The following ZFAND3 variants were observed in gnomAD, a reference collection of about 807,000 sequenced individuals.
The protein encoded by ZFAND3 is AN1-type zinc finger protein 3.
In ZFAND3, 10 loss-of-function variants were observed where a neutral mutation model predicts 29.6. The ratio of observed to expected loss-of-function variants is 0.34; its 90% confidence interval spans 0.21 to 0.57. The LOEUF is 0.57. Ranked by LOEUF, ZFAND3 falls within the 20% of genes least tolerant of loss-of-function variation. The pLI, the probability that ZFAND3 is intolerant of heterozygous loss-of-function variation, is 0.86. For synonymous variants in ZFAND3, 128 were observed against 112.6 expected (o/e 1.14, Z -0.87); for missense variants, 230 against 304.5 (o/e 0.76, Z 1.82).
At position 37,921,603 on chromosome 6, in the gene ZFAND3, A is replaced by G. The variant is rs558727399; in HGVS notation, c.72-8356A>G. ...TAAGATGTTTCCAGAATTCCCAGAA[A>G]TTAGGACTGTTACTAGAATTCCCCA... On this transcript the variant is annotated intron_variant, in intron 1 of 5. Transcript: ENST00000287218. Among the ~76,000 whole-genome samples the G allele has an allele frequency of 1.0e-3, 158 of 152,234 alleles. 2 individuals are homozygous for G. In the South Asian group the frequency reaches 0.019, roughly 18 times the overall value.
chr6:37,883,553 T>G lies in ZFAND3; in HGVS notation c.72-46406T>G, dbSNP rs1447839384. On this transcript the variant is annotated intron_variant, in intron 1 of 5. Coordinates refer to ENST00000287218, the MANE Select transcript of ZFAND3 (RefSeq NM_021943.3). ...ACCTTTTCTTTTCTTTCTTTCTTTT[T>G]TTTTTTTGAGACGGAGTCTCGCTCT... Among the ~76,000 whole-genome samples, 10 of 125,226 alleles carry G rather than the reference T, an allele frequency of 8.0e-5. 3 individuals are homozygous for G. The highest frequency in any genetic ancestry group is 1.6e-4 in the African/African-American group (4 of 25,056). The allele number at this position is 125,226 out of a possible 152,430, so 82.2% of individuals were successfully genotyped here. A position where few individuals can be genotyped will look rare whatever the true frequency, so the allele number is the denominator to read the frequency against.
At position 38,120,042 on chromosome 6, in the gene ZFAND3, C is replaced by T. The variant is rs530732080; in HGVS notation, c.529+3303C>T. On this transcript the variant is annotated intron_variant, in intron 5 of 5. Coordinates refer to ENST00000287218, the MANE Select transcript of ZFAND3 (RefSeq NM_021943.3). ...GCCAATTAGAAAAGGCATGTGGTTG[C>T]GAGGCTGGGATTATATCCTGCATCT... Among the ~76,000 whole-genome samples the T allele has an allele frequency of 1.1e-4, 17 of 152,254 alleles. No individual in the cohort carries two copies. The South Asian group carries it at 2.1e-3, about 19-fold the overall frequency.
In ZFAND3 at chr6:37,918,951, C is replaced by CTTTTTT. The variant is rs66941014; in HGVS notation, c.72-10993_72-10988dup. ...TGTGTTTTCAAAACATGAAAAATGC[C>CTTTTTT]TTTTTTTTTTTTTTTTTTTTGAGAC... On this transcript the variant is annotated intron_variant, in intron 1 of 5. Coordinates refer to ENST00000287218, the MANE Select transcript of ZFAND3 (RefSeq NM_021943.3). Among the ~76,000 whole-genome samples, 67 of 104,718 alleles carry CTTTTTT rather than the reference C, an allele frequency of 6.4e-4. 6 individuals are homozygous for CTTTTTT. Among genetic ancestry groups the CTTTTTT allele is most frequent in the African/African-American group, 2.0e-3 (49 of 24,574 alleles). 68.7% of individuals were successfully genotyped at this position (104,718 alleles called of 152,430 possible).
intron 2 of ZFAND3, among the ~76,000 whole-genome samples, chr6:38,004,319 C>T (rs1254556856): frequency 2.0e-5 from 3 of 152,154 alleles, no homozygotes; most frequent in Non-Finnish European, 2.9e-5. Context: ...ATTTCCAACA[C>T]GTTTGCTCAT....
chr6:38,125,169 C>G (rs1765611901), intron 5 of ZFAND3, among the ~76,000 whole-genome samples: 1 of 152,218 alleles, frequency 6.6e-6, no homozygotes, highest in African/African-American at 2.4e-5. Context: ...CCTCCCTTCA[C>G]TCTCACTGTA....
At chr6:37,854,994 C>T (rs1764354149) in intron 1 of ZFAND3, among the ~76,000 whole-genome samples, 1 of 81,524 alleles carries the variant, frequency 1.2e-5, no homozygotes, top group Admixed American at 1.7e-4. Flanking sequence ...TTTGGTGAGG[C>T]ATTTGGGATC....
At chr6:37,961,119 A>G (rs1762187336) in intron 2 of ZFAND3, among the ~76,000 whole-genome samples, 1 of 152,020 alleles carries the variant, frequency 6.6e-6, no homozygotes. Context: ...TGATTCCAGG[A>G]CTTGGCTCTT....
In ZFAND3 at chr6:38,153,822, G is replaced by A; in HGVS notation, c.*1433G>A. The A allele has an allele frequency of 1.0e-6, 1 of 985,554 alleles. No individual in the cohort carries two copies. The highest frequency in any genetic ancestry group is 1.1e-4 in the East Asian group (1 of 8,818). 61.1% of individuals were successfully genotyped at this position (985,554 alleles called of 1,614,324 possible). ...CTAGTGCCGCATCAGATCCAGGTGGGTGAGGGCAGGAGGCCCCTGCGGAGG... is the reference window on the plus strand; with the variant it reads ...CTAGTGCCGCATCAGATCCAGGTGGATGAGGGCAGGAGGCCCCTGCGGAGG... On this transcript the variant is annotated 3_prime_UTR_variant, in exon 6 of 6. Coordinates refer to ENST00000287218, the MANE Select transcript of ZFAND3 (RefSeq NM_021943.3).
chr6:37,922,420 A>C (rs1446956682), intron 1 of ZFAND3, among the ~76,000 whole-genome samples: 1 of 152,252 alleles, frequency 6.6e-6, no homozygotes, highest in Non-Finnish European at 1.5e-5. Flanking sequence ...AAGGCGTGAT[A>C]AATATTAAAT....
intron 1 of ZFAND3, among the ~76,000 whole-genome samples, chr6:37,929,510 ATGAC>A (rs1438795776): frequency 6.6e-6 from 1 of 152,236 alleles, no homozygotes. Flanking sequence ...ATAGAGATAA[ATGAC>A]TGTGTATATG....
chr6:38,105,330 A>G (rs929465361), intron 4 of ZFAND3, among the ~76,000 whole-genome samples: 1 of 152,118 alleles, frequency 6.6e-6, no homozygotes, highest in East Asian at 1.9e-4. Context: ...GCTTGAGCCC[A>G]GGAGTTTGAG....
intron 2 of ZFAND3, among the ~76,000 whole-genome samples, chr6:37,978,099 A>C (rs1056764338): frequency 6.6e-6 from 1 of 151,702 alleles, no homozygotes; most frequent in African/African-American, 2.4e-5. Context: ...TGGCTGGCTA[A>C]TTTTCGTATT....
At chr6:37,901,572 T>G (rs1765318906) in intron 1 of ZFAND3, among the ~76,000 whole-genome samples, 1 of 152,070 alleles carries the variant, frequency 6.6e-6, no homozygotes, top group Admixed American at 6.5e-5. Context: ...GAGCCGACAT[T>G]GTGCCACTGT....
At chr6:38,003,932 A>G in intron 2 of ZFAND3, 1 of 304,254 alleles carries the variant, frequency 3.3e-6, no homozygotes, top group South Asian at 2.5e-5. Context: ...GTCCGAATGA[A>G]AAAACTAATT....
chr6:37,954,939 G>A (rs1011991094), intron 2 of ZFAND3, among the ~76,000 whole-genome samples: 22 of 152,214 alleles, frequency 1.4e-4, no homozygotes, highest in African/African-American at 5.1e-4. Context: ...CCTTGTGTGA[G>A]CACCAGGTAT....
chr6:38,100,800 C>T (rs1272848845), intron 4 of ZFAND3, among the ~76,000 whole-genome samples: 3 of 152,128 alleles, frequency 2.0e-5, no homozygotes, highest in African/African-American at 7.2e-5. Context: ...TTAGGTACCC[C>T]CCTACCCAGC....
intron 4 of ZFAND3, among the ~76,000 whole-genome samples, chr6:38,115,137 G>A (rs1413150167): frequency 6.6e-6 from 1 of 152,216 alleles, no homozygotes; most frequent in Non-Finnish European, 1.5e-5. Context: ...TGCCAGTACA[G>A]TGCAGCAGGG....
chr6:37,824,890 A>G (rs1196701636), intron 1 of ZFAND3, among the ~76,000 whole-genome samples: 2 of 152,246 alleles, frequency 1.3e-5, no homozygotes, highest in Non-Finnish European at 2.9e-5. Flanking sequence ...AGAGATAAGG[A>G]TAGGGGTAAT....
chr6:38,124,467 C>T (rs545385179), intron 5 of ZFAND3, among the ~76,000 whole-genome samples: 190 of 152,310 alleles, frequency 1.2e-3, no homozygotes, highest in Non-Finnish European at 2.2e-3. Flanking sequence ...GCTGCAGGTC[C>T]TGAGCCCTGC....
Sources: gnomAD v4.1 joint callset for allele counts (sites outside exome capture counted in the v4.1 genomes callset) on GRCh38, gnomAD v4.1.1 for gene constraint, MANE v1.5 for transcripts, NCBI Gene and HGNC (gene_info 2026-07-23, HGNC 2026-07-21) for gene names.